Variants in BCKDHB observed in about 807,000 individuals in gnomAD.
BCKDHB encodes the protein branched chain keto acid dehydrogenase E1 subunit beta, also known as 2-oxoisovalerate dehydrogenase subunit beta, mitochondrial.
A neutral mutation model predicts 48.5 loss-of-function variants in BCKDHB; 41 were observed. The observed-to-expected ratio is 0.85, with a 90% CI of 0.66 to 1.10. The LOEUF is 1.10. BCKDHB is among the 50% of genes least tolerant of loss of function. BCKDHB has a pLI of 0.00. For synonymous variants in BCKDHB, 201 were observed against 174.8 expected, an observed-to-expected ratio of 1.15 and a Z score of -1.18; for missense variants, 496 against 494.2, an observed-to-expected ratio of 1.00 and a Z score of -0.03.
the BCKDHB span, among the ~76,000 whole-genome samples, chr6:80,426,497 C>T: frequency 5.3e-5 from 8 of 151,996 alleles, no homozygotes; most frequent in African/African-American, 1.9e-4. Flanking sequence ...TTAGCTGCCT[C>T]CCATAAATGT....
rs1301028883 is a variant in BCKDHB, at chr6:80,315,250, A to G, written c.1039-28414A>G. On this transcript the variant is annotated intron_variant, in intron 9 of 9. Transcript: ENST00000320393. Reference sequence around the variant, plus strand: ...CAACCGCTCTGTTGAGACTCCACAGAGTTCTGTGTGTTGGACCCAAGGCCC... The same window carrying G: ...CAACCGCTCTGTTGAGACTCCACAGGGTTCTGTGTGTTGGACCCAAGGCCC... 3.3e-5 allele frequency among the ~76,000 whole-genome samples: 5 copies of G among 152,178 alleles called. No individual in the cohort carries two copies. In the East Asian group the frequency reaches 7.7e-4, roughly 24 times the overall value.
At chr6:80,276,238 T>A (rs1777963716) in intron 9 of BCKDHB, among the ~76,000 whole-genome samples, 1 of 152,016 alleles carries the variant, frequency 6.6e-6, no homozygotes, top group Non-Finnish European at 1.5e-5. Context: ...TGGTTAATCC[T>A]ACAAAATTGC....
chr6:80,296,758 A>G (rs1482913513), intron 9 of BCKDHB, among the ~76,000 whole-genome samples: 1 of 152,176 alleles, frequency 6.6e-6, no homozygotes, highest in Admixed American at 6.5e-5. Context: ...ACTTTAGCCA[A>G]TATGTTCACA....
At chr6:80,224,755 T>A (rs1775609537) in intron 8 of BCKDHB, among the ~76,000 whole-genome samples, 1 of 152,178 alleles carries the variant, frequency 6.6e-6, no homozygotes, top group Non-Finnish European at 1.5e-5. Context: ...AATGCTACTG[T>A]ATTGCCACAG....
At position 80,273,225 on chromosome 6, in the gene BCKDHB, G is replaced by C; in HGVS notation, c.1038+4G>C. 6.2e-7 allele frequency: 1 copy of C among 1,612,742 alleles called. No individual in the cohort carries two copies. The highest frequency in any genetic ancestry group is 1.1e-5 in the South Asian group (1 of 91,050). On this transcript the variant is annotated splice_donor_region_variant and intron_variant, in intron 9 of 9. Coordinates refer to ENST00000320393, the MANE Select transcript of BCKDHB (RefSeq NM_183050.4). ...GGAAATCAGCTCTACAGTTCAGGTA[G>C]AGTAATTTTTGGAACTGATTTCAAT...
the BCKDHB span, among the ~76,000 whole-genome samples, chr6:80,425,523 A>C: frequency 6.6e-6 from 1 of 152,202 alleles, no homozygotes; most frequent in Non-Finnish European, 1.5e-5. Flanking sequence ...ATCTGATAAT[A>C]AGTCATTTCA....
chr6:80,182,090 G>GT (rs1254338145), intron 6 of BCKDHB, among the ~76,000 whole-genome samples: 1 of 152,186 alleles, frequency 6.6e-6, no homozygotes, highest in East Asian at 1.9e-4. Flanking sequence ...AAGTGGTCAA[G>GT]TAGATTTCTA....
chr6:80,405,987 C>T, the BCKDHB span, among the ~76,000 whole-genome samples: 1 of 152,102 alleles, frequency 6.6e-6, no homozygotes, highest in East Asian at 1.9e-4. Flanking sequence ...GGCCCCCGCC[C>T]CCACCAGGCC....
At chr6:80,391,556 C>A in the BCKDHB span, among the ~76,000 whole-genome samples, 1 of 152,024 alleles carries the variant, frequency 6.6e-6, no homozygotes, top group African/African-American at 2.4e-5. Context: ...TAGGTTATTC[C>A]CTAGAGCCTC....
intron 3 of BCKDHB, among the ~76,000 whole-genome samples, chr6:80,163,066 G>C (rs151192786): frequency 0.034 from 5,148 of 151,858 alleles, 291 homozygotes; most frequent in African/African-American, 0.12. Context: ...GGGACTACAG[G>C]CACGTGCCAC....
the BCKDHB span, among the ~76,000 whole-genome samples, chr6:80,354,190 T>G: frequency 6.6e-6 from 1 of 151,796 alleles, no homozygotes; most frequent in African/African-American, 2.4e-5. Flanking sequence ...TTTAGTTTAA[T>G]TTAGTTTAAT....
chr6:80,403,250 G>T, the BCKDHB span, among the ~76,000 whole-genome samples: 1 of 151,680 alleles, frequency 6.6e-6, no homozygotes, highest in Non-Finnish European at 1.5e-5. Context: ...ATCTTTCCAT[G>T]TATTTTTGTT....
the BCKDHB span, among the ~76,000 whole-genome samples, chr6:80,371,466 G>T: frequency 5.9e-5 from 9 of 152,138 alleles, no homozygotes; most frequent in East Asian, 1.7e-3. Flanking sequence ...TGTTCCTTTT[G>T]CTGTGCAGAA....
chr6:80,221,361 A>G (rs1179451456), intron 8 of BCKDHB, among the ~76,000 whole-genome samples: 1 of 152,086 alleles, frequency 6.6e-6, no homozygotes, highest in Non-Finnish European at 1.5e-5. Flanking sequence ...TTCCTTTTGT[A>G]TTCATGTCCT....
chr6:80,188,520 T>C (rs1773751877), intron 6 of BCKDHB, among the ~76,000 whole-genome samples: 1 of 152,010 alleles, frequency 6.6e-6, no homozygotes, highest in Non-Finnish European at 1.5e-5. Flanking sequence ...ACTCCCATAG[T>C]GCCAGATTCT....
At chr6:80,382,621 G>A in the BCKDHB span, among the ~76,000 whole-genome samples, 2 of 151,878 alleles carry the variant, frequency 1.3e-5, no homozygotes, top group Non-Finnish European at 1.5e-5. Flanking sequence ...ACTCTGCAGG[G>A]GATTGATTAT....
the BCKDHB span, among the ~76,000 whole-genome samples, chr6:80,352,350 G>A: frequency 6.6e-6 from 1 of 152,120 alleles, no homozygotes; most frequent in Non-Finnish European, 1.5e-5. Flanking sequence ...GAAAAAGGGT[G>A]AAACCTCTAT....
rs189864392 is a variant in BCKDHB at position 80,106,707 on chromosome 6, C to A, written c.14C>A (p.Ala5Glu). ...TGGTGAGCGGGGATGGCGGTTGTAG[C>A]GGCGGCTGCCGGCTGGCTACTCAGG... The part of the protein sequence containing the change: MAVV[A>E]AAAGWLLRLR... Residue 5 changes from alanine (A) to glutamate (E), a missense_variant, in exon 1 of 10, where the codon GCG becomes GAG. Physicochemically the swap from Ala to Glu is moderately radical, Grantham distance 107. Coordinates refer to ENST00000320393, the MANE Select transcript of BCKDHB (RefSeq NM_183050.4). The A allele has an allele frequency of 3.9e-6, 6 of 1,550,470 alleles. No homozygotes were observed. In the South Asian group the frequency reaches 7.1e-5, roughly 18 times the overall value.
At chr6:80,319,541 G>A (rs75479982) in intron 9 of BCKDHB, among the ~76,000 whole-genome samples, 4,770 of 152,184 alleles carry the variant, frequency 0.031, 93 homozygotes, top group East Asian at 0.052. Context: ...CTTACTTACG[G>A]TTTAGGAGTT....
Sources: gnomAD v4.1 joint callset for allele counts (sites outside exome capture counted in the v4.1 genomes callset) on GRCh38, gnomAD v4.1.1 for gene constraint, MANE v1.5 for transcripts, NCBI Gene and HGNC (gene_info 2026-07-23, HGNC 2026-07-21) for gene names.